The following GOLIM4 variants were observed in gnomAD, a reference collection of about 807,000 sequenced individuals.
GOLIM4 encodes 130 kDa golgi-localized phosphoprotein.
Under a neutral mutation model 107.4 loss-of-function variants are expected in GOLIM4, and 71 were observed. The ratio of observed to expected loss-of-function variants is 0.66; its 90% CI spans 0.55 to 0.81. The LOEUF is 0.81. Ranked by LOEUF, GOLIM4 falls within the 30% of genes least tolerant of loss-of-function variation. The pLI is 0.00. For missense variants in GOLIM4, 830 were observed against 826.1 expected (o/e 1.00, Z -0.06); for synonymous variants, 327 against 294.8 (o/e 1.11, Z -1.12).
chr3:168,052,333 T>C (rs1285346455), intron 1 of GOLIM4, among the ~76,000 whole-genome samples: 1 of 151,866 alleles, frequency 6.6e-6, no homozygotes. Flanking sequence ...TAATCATATG[T>C]ATGTGTATAT....
At position 168,029,841 on chromosome 3, in the gene GOLIM4, T is replaced by A. The variant is rs1430980285; in HGVS notation, c.1372A>T (p.Met458Leu). 1.2e-6 allele frequency: 2 copies of A among 1,614,122 alleles called. No homozygotes were observed. The highest frequency in any genetic ancestry group is 2.2e-5 in the South Asian group (2 of 91,062). Residue 458 changes from methionine (M) to leucine (L), a missense_variant, in exon 10 of 16, where the codon ATG becomes TTG. Met to Leu is a conservative substitution (Grantham distance 15). Coordinates refer to ENST00000470487, the MANE Select transcript of GOLIM4 (RefSeq NM_014498.5). Reference protein sequence around the residue: ...EQQQQQVAREMALQRQAELEE... With the variant: ...EQQQQQVARELALQRQAELEE... ...AGCTCAGCCTGCCTCTGCAGGGCCA[T>A]CTCTCTTGCCACCTGCTGCTGCTGC...
intron 1 of GOLIM4, among the ~76,000 whole-genome samples, chr3:168,061,366 C>T (rs747619988): frequency 2.0e-5 from 3 of 152,138 alleles, no homozygotes; most frequent in Non-Finnish European, 4.4e-5. Context: ...TTCTACTTTG[C>T]TAATGGATGT....
chr3:168,032,954 G>A, intron 8 of GOLIM4, 102 bp from the exon 9 acceptor site: 1 of 860,338 alleles, frequency 1.2e-6, no homozygotes, highest in South Asian at 1.7e-5. Context: ...TACAACAGAA[G>A]AAGGTGTCTA....
At chr3:168,086,908 A>G (rs968238609) in intron 1 of GOLIM4, among the ~76,000 whole-genome samples, 1 of 152,228 alleles carries the variant, frequency 6.6e-6, no homozygotes, top group East Asian at 1.9e-4. Flanking sequence ...GACAGCACAG[A>G]GCAGTGAAGG....
intron 14 of GOLIM4, among the ~76,000 whole-genome samples, chr3:168,012,608 T>A (rs1717115987): frequency 6.9e-6 from 1 of 144,768 alleles, no homozygotes; most frequent in Non-Finnish European, 1.5e-5. Flanking sequence ...AAAGTTGAAA[T>A]GAAGGAAAAA....
intron 1 of GOLIM4, among the ~76,000 whole-genome samples, chr3:168,051,804 G>A (rs550892043): frequency 5.1e-4 from 78 of 152,240 alleles, no homozygotes; most frequent in Non-Finnish European, 9.4e-4. Context: ...AGGAGGAGGA[G>A]GGTGAAAGAA....
intron 14 of GOLIM4, among the ~76,000 whole-genome samples, chr3:168,013,069 G>C (rs1398846222): frequency 6.6e-6 from 1 of 150,568 alleles, no homozygotes; most frequent in Non-Finnish European, 1.5e-5. Context: ...TGGACTAAAT[G>C]CTCCAATTAA....
chr3:168,013,758 T>C (rs528707916), intron 14 of GOLIM4, among the ~76,000 whole-genome samples: 2,041 of 150,696 alleles, frequency 0.014, 35 homozygotes, highest in African/African-American at 0.048. Context: ...CTCAACTACA[T>C]GGAAACTGAA....
At chr3:168,041,259 C>T (rs1337422985) in intron 6 of GOLIM4, 133 bp downstream of exon 6, 8 of 612,734 alleles carry the variant, frequency 1.3e-5, no homozygotes, top group African/African-American at 1.1e-4. Context: ...ATTAGGTACA[C>T]TCTAGTTAAT....
At chr3:168,063,534 A>G (rs1264905046) in intron 1 of GOLIM4, among the ~76,000 whole-genome samples, 2 of 152,066 alleles carry the variant, frequency 1.3e-5, no homozygotes, top group East Asian at 3.9e-4. Context: ...GTGACTCTGA[A>G]TAGGGTATCT....
At chr3:168,011,302 C>G (rs9869214) in intron 14 of GOLIM4, among the ~76,000 whole-genome samples, 85,991 of 151,576 alleles carry the variant, frequency 0.57, 26,576 homozygotes, top group African/African-American at 0.82. Flanking sequence ...TGGAAAATCG[C>G]GTCACTCCCA....
In GOLIM4 at chr3:168,040,874, AC is replaced by A; in HGVS notation, c.601-6del. 6.3e-7 allele frequency: 1 copy of A among 1,598,554 alleles called. No homozygotes were observed. Among genetic ancestry groups the A allele is most frequent in the Non-Finnish European group, 8.6e-7 (1 of 1,166,234 alleles). ...GAGTAAATTCTTATGCTGTTGCTACACAAAAAAGAATTTTACATGTTGAGCT... is the reference window on the plus strand; with the variant it reads ...GAGTAAATTCTTATGCTGTTGCTACAAAAAAAGAATTTTACATGTTGAGCT... On this transcript the variant is annotated splice_region_variant and splice_polypyrimidine_tract_variant and intron_variant, in intron 6 of 15. Coordinates refer to ENST00000470487, the MANE Select transcript of GOLIM4 (RefSeq NM_014498.5).
chr3:168,074,322 T>A (rs1720967394), intron 1 of GOLIM4, among the ~76,000 whole-genome samples: 1 of 152,224 alleles, frequency 6.6e-6, no homozygotes, highest in Non-Finnish European at 1.5e-5. Context: ...GCTAGGTTTT[T>A]GGAGTTATTT....
At chr3:168,021,165 G>T (rs928817512) in intron 14 of GOLIM4, among the ~76,000 whole-genome samples, 2 of 152,112 alleles carry the variant, frequency 1.3e-5, no homozygotes, top group African/African-American at 4.8e-5. Flanking sequence ...AATGGGCTTT[G>T]GCTAGATATC....
At position 168,043,282 on chromosome 3, in the gene GOLIM4, A is replaced by T. The variant is rs62273307; in HGVS notation, c.517+97T>A. The T allele has an allele frequency of 8.5e-3, 6,647 of 781,504 alleles. 312 individuals are homozygous for T. In the African/African-American group the frequency reaches 0.1, roughly 12 times the overall value. 48.4% of individuals were successfully genotyped at this position (781,504 alleles called of 1,614,324 possible). On this transcript the variant is annotated intron_variant, in intron 5 of 15. Transcript: ENST00000470487. The stretch of plus-strand genomic sequence containing the variant: ...GGTAAAGGACCACATGATAAATGTA[A>T]ATCGATCACCACTCAAAACAACAGT...
intron 6 of GOLIM4, chr3:168,041,122 T>G (rs545528740): frequency 2.0e-6 from 1 of 509,684 alleles, no homozygotes. Context: ...AATTTCTCAT[T>G]ATTAGTAAAC....
At chr3:168,074,538 T>C (rs1720977680) in intron 1 of GOLIM4, among the ~76,000 whole-genome samples, 1 of 152,162 alleles carries the variant, frequency 6.6e-6, no homozygotes, top group African/African-American at 2.4e-5. Flanking sequence ...GCAATCTTGT[T>C]ACAGAAGTAT....
rs140974195 is a variant in GOLIM4 at position 168,029,919 on chromosome 3, C to T, written c.1294G>A (p.Glu432Lys). 2,174 of 1,614,176 alleles carry T rather than the reference C, an allele frequency of 1.3e-3. 3 individuals carry two copies. Among genetic ancestry groups the T allele is most frequent in the Middle Eastern group, 1.8e-3 (11 of 6,062 alleles). Residue 432 changes from glutamate to lysine, a missense_variant, in exon 10 of 16, where the codon GAA (glutamate) becomes AAA (lysine). Physicochemically the swap from Glu to Lys is moderately conservative, Grantham distance 56. Coordinates refer to ENST00000470487, the MANE Select transcript of GOLIM4 (RefSeq NM_014498.5). ...EEAQQLREHQ[E>K]ALHQQRLQGH... ...TGCAGCCTCTGCTGGTGCAAAGCTT[C>T]CTGGTGTTCCCGCAGCTGCTGGGCC...
rs182425814 is a variant in GOLIM4, at chr3:168,085,590, G to A, written c.187+9509C>T. The stretch of plus-strand genomic sequence containing the variant: ...GCAGTACTAAATTTAAAAAGGCCAC[G>A]GGTCCTTAAAATTCTACCGGTAGGA... On this transcript the variant is annotated intron_variant, in intron 1 of 15. Transcript: ENST00000470487. 1.8e-4 allele frequency among the ~76,000 whole-genome samples: 28 copies of A among 152,238 alleles called. No homozygotes were observed. The East Asian group carries it at 2.7e-3, about 15-fold the overall frequency.
Sources: allele counts gnomAD v4.1 joint callset (sites outside exome capture counted in the v4.1 genomes callset), GRCh38; gene constraint gnomAD v4.1.1; transcripts MANE v1.5; gene names NCBI Gene and HGNC (gene_info 2026-07-23, HGNC 2026-07-21).